Variants in CASD1 observed in about 807,000 individuals in gnomAD.
CASD1 encodes N-acetylneuraminate (7)9-O-acetyltransferase.
CASD1 carries 41 observed loss-of-function variants against 100.0 expected under a neutral mutation model. The observed-to-expected ratio is 0.41, with a 90% CI of 0.32 to 0.53. The LOEUF (loss-of-function observed/expected upper bound fraction) is 0.53. Ranked by LOEUF, CASD1 falls within the 20% of genes least tolerant of loss-of-function variation. The pLI is 0.25. For missense variants in CASD1, 774 were observed against 948.7 expected (o/e 0.82, Z 2.42); for synonymous variants, 321 against 315.6 (o/e 1.02, Z -0.18).
At chr7:94,543,670 A>G (rs1448011662) in intron 10 of CASD1, among the ~76,000 whole-genome samples, 4 of 150,050 alleles carry the variant, frequency 2.7e-5, no homozygotes, top group African/African-American at 9.7e-5. Flanking sequence ...AAAAAAAGGC[A>G]GTGTACAAGT....
At chr7:94,510,879 A>G (rs761253540) in intron 1 of CASD1, among the ~76,000 whole-genome samples, 45 of 152,216 alleles carry the variant, frequency 3.0e-4, no homozygotes, top group Non-Finnish European at 5.7e-4. Flanking sequence ...CACTTTTTAC[A>G]AAGTTAAGGC....
chr7:94,535,589 A>T, intron 8 of CASD1, 66 bp downstream of exon 8: 2 of 1,113,324 alleles, frequency 1.8e-6, no homozygotes, highest in Non-Finnish European at 2.7e-6. Context: ...GCCATAAGTC[A>T]TTATAACATG....
At chr7:94,519,769 A>T (rs189595263) in intron 3 of CASD1, among the ~76,000 whole-genome samples, 29 of 152,298 alleles carry the variant, frequency 1.9e-4, no homozygotes, top group African/African-American at 6.5e-4. Context: ...GGCCTCCCAA[A>T]GTGCTGGAAT....
chr7:94,558,799 A>T (rs1017701248), downstream of CASD1, among the ~76,000 whole-genome samples: 2 of 151,870 alleles, frequency 1.3e-5, no homozygotes, highest in Admixed American at 6.6e-5. Flanking sequence ...ATTTTATTTA[A>T]TTAATTAATT....
At chr7:94,632,667 TTTAAA>T in the CASD1 span, among the ~76,000 whole-genome samples, 2 of 152,122 alleles carry the variant, frequency 1.3e-5, no homozygotes, top group African/African-American at 4.8e-5. Context: ...GTAGCATCAG[TTTAAA>T]TTACAGGCAC....
chr7:94,540,145 C>T (rs894178951), intron 10 of CASD1, among the ~76,000 whole-genome samples: 3 of 152,088 alleles, frequency 2.0e-5, no homozygotes, highest in Non-Finnish European at 4.4e-5. Flanking sequence ...TTACAACAAA[C>T]TTTTGTGGCT....
the CASD1 span, chr7:94,594,528 T>C: frequency 6.6e-6 from 1 of 152,048 alleles, no homozygotes; most frequent in African/African-American, 2.4e-5. Context: ...ATAGTGATTA[T>C]TGTGTCCTAG....
intron 5 of CASD1, among the ~76,000 whole-genome samples, chr7:94,530,002 G>A (rs1244003755): frequency 6.6e-6 from 1 of 152,008 alleles, no homozygotes; most frequent in African/African-American, 2.4e-5. Flanking sequence ...TATATTCTAG[G>A]CACTAAGCTA....
At chr7:94,628,499 G>T in the CASD1 span, 1 of 630,022 alleles carries the variant, frequency 1.6e-6, no homozygotes, top group Non-Finnish European at 2.7e-6. Context: ...AAACCCATCT[G>T]GGAATTTAAA....
chr7:94,536,551 A>G (rs1297305204), intron 8 of CASD1, among the ~76,000 whole-genome samples: 2 of 152,186 alleles, frequency 1.3e-5, no homozygotes, highest in Admixed American at 6.5e-5. Context: ...GGTTCTCCAT[A>G]TACATAAAAG....
intron 3 of CASD1, among the ~76,000 whole-genome samples, 196 bp from the exon 4 acceptor site, chr7:94,526,966 A>G (rs993655238): frequency 1.3e-5 from 2 of 152,208 alleles, no homozygotes. Context: ...CATGTAGACA[A>G]TTTAACTAGT....
chr7:94,567,578 C>G, the CASD1 span, among the ~76,000 whole-genome samples: 2 of 152,166 alleles, frequency 1.3e-5, no homozygotes, highest in African/African-American at 4.8e-5. Flanking sequence ...TTGTAAGCCC[C>G]TGTCTCTCAA....
chr7:94,565,333 C>A, the CASD1 span, among the ~76,000 whole-genome samples: 5 of 152,146 alleles, frequency 3.3e-5, no homozygotes, highest in South Asian at 1.0e-3. Flanking sequence ...CTTGGCTGAG[C>A]ATTTAAACAC....
chr7:94,598,578 G>T, the CASD1 span: 1 of 596,686 alleles, frequency 1.7e-6, no homozygotes, highest in Non-Finnish European at 3.0e-6. Flanking sequence ...ATCAGTGGGG[G>T]AAAAAAAGTG....
rs189320156 is a variant in CASD1 at position 94,528,403 on chromosome 7, A to C, written c.459+153A>C. On this transcript the variant is annotated intron_variant, in intron 5 of 17. Transcript: ENST00000297273. ...TAAACTGTGCTGGACTGATTCTAGCACTTCATTGAGAAGAGAAGATGTAGA... is the reference window on the plus strand; with the variant it reads ...TAAACTGTGCTGGACTGATTCTAGCCCTTCATTGAGAAGAGAAGATGTAGA... Among the ~76,000 whole-genome samples, 93 of 152,064 alleles carry C rather than the reference A, an allele frequency of 6.1e-4. No individual in the cohort carries two copies. In the South Asian group the frequency reaches 6.6e-3, roughly 11 times the overall value.
the CASD1 span, among the ~76,000 whole-genome samples, chr7:94,570,074 A>G: frequency 6.6e-6 from 1 of 152,022 alleles, no homozygotes; most frequent in African/African-American, 2.4e-5. Flanking sequence ...CAGCCTCCCA[A>G]AGTGCTGGGA....
chr7:94,563,111 T>C, the CASD1 span, among the ~76,000 whole-genome samples: 1 of 152,186 alleles, frequency 6.6e-6, no homozygotes, highest in Non-Finnish European at 1.5e-5. Flanking sequence ...TTCTGCTCTA[T>C]GAATCTCCAA....
the CASD1 span, among the ~76,000 whole-genome samples, chr7:94,603,845 C>T: frequency 6.6e-6 from 1 of 152,050 alleles, no homozygotes. Flanking sequence ...CCCACTACTA[C>T]AATAATAAAT....
In CASD1 at chr7:94,527,158, G is replaced by A. The variant is rs769913546; in HGVS notation, c.352-4G>A. On this transcript the variant is annotated splice_polypyrimidine_tract_variant and splice_region_variant and intron_variant, in intron 3 of 17. Coordinates refer to ENST00000297273, the MANE Select transcript of CASD1 (RefSeq NM_022900.5). ...TAATATTTCTCTGTCTCCTTTTATGGCAGCATGAAAACATTCCTTTTGAAG... is the reference window on the plus strand; with the variant it reads ...TAATATTTCTCTGTCTCCTTTTATGACAGCATGAAAACATTCCTTTTGAAG... The A allele has an allele frequency of 1.9e-6, 3 of 1,605,894 alleles. No homozygotes were observed. The highest frequency in any genetic ancestry group is 2.7e-5 in the African/African-American group (2 of 74,782).
Sources: gnomAD v4.1 joint callset for allele counts (sites outside exome capture counted in the v4.1 genomes callset) on GRCh38, gnomAD v4.1.1 for gene constraint, MANE v1.5 for transcripts, NCBI Gene and HGNC (gene_info 2026-07-23, HGNC 2026-07-21) for gene names.